The following TDO2 variants were observed in gnomAD, a reference collection of about 807,000 sequenced individuals.
The protein encoded by TDO2 is tryptamin 2,3-dioxygenase.
A neutral mutation model predicts 61.2 loss-of-function variants in TDO2; 63 were observed. That is an observed-to-expected ratio of 1.03 (90% CI 0.84 to 1.27). The LOEUF (loss-of-function observed/expected upper bound fraction) is 1.27. TDO2 is among the 50% of genes most tolerant of loss of function. TDO2 has a pLI of 0.00. For synonymous variants in TDO2, 183 were observed against 164.0 expected (o/e 1.12, Z -0.89); for missense variants, 494 against 469.5 (o/e 1.05, Z -0.48).
intron 4 of TDO2, among the ~76,000 whole-genome samples, chr4:155,908,266 G>T (rs1742756129): frequency 6.6e-6 from 1 of 152,160 alleles, no homozygotes; most frequent in African/African-American, 2.4e-5. Context: ...GAAAAGGACA[G>T]GAGGACAAAG....
At chr4:155,912,427 A>C (rs1268207378) in intron 7 of TDO2, among the ~76,000 whole-genome samples, 1 of 152,156 alleles carries the variant, frequency 6.6e-6, no homozygotes, top group Non-Finnish European at 1.5e-5. Flanking sequence ...CTTCATGTAC[A>C]TAAATCCAAT....
At position 155,919,940 on chromosome 4, in the gene TDO2, A is replaced by T. The variant is rs769172314; in HGVS notation, c.1171A>T (p.Thr391Ser). ...MNPTIHKFLY[T>S]AEYCDSSYFS... Reference sequence around the variant, plus strand: ...CCCAACCATTCACAAATTTCTATATACAGCAGAATACTGTGATAGCTCCTA... The same window carrying T: ...CCCAACCATTCACAAATTTCTATATTCAGCAGAATACTGTGATAGCTCCTA... Residue 391 changes from threonine to serine, a missense_variant, in exon 12 of 12, where the codon ACA (threonine) becomes TCA (serine). Coordinates refer to ENST00000536354, the MANE Select transcript of TDO2 (RefSeq NM_005651.4). 2 of 1,613,616 alleles carry T rather than the reference A, an allele frequency of 1.2e-6. No homozygotes were observed. The highest frequency in any genetic ancestry group is 1.7e-6 in the Non-Finnish European group (2 of 1,179,774).
chr4:155,906,222 C>T (rs991498086), intron 3 of TDO2: 5 of 151,892 alleles, frequency 3.3e-5, no homozygotes, highest in African/African-American at 9.7e-5. Context: ...GCATTTAGCC[C>T]GAGGTATAGC....
intron 8 of TDO2, among the ~76,000 whole-genome samples, chr4:155,915,074 G>A (rs1436410656): frequency 6.6e-6 from 1 of 152,112 alleles, no homozygotes; most frequent in African/African-American, 2.4e-5. Context: ...ACCAGGAAAA[G>A]CATACATTTA....
chr4:155,907,826 A>G (rs1742745790), intron 4 of TDO2, 34 bp downstream of exon 4: 1 of 1,528,236 alleles, frequency 6.5e-7, no homozygotes, highest in African/African-American at 1.4e-5. Context: ...GGTTTCATGT[A>G]TATTTTTGGA....
intron 8 of TDO2, among the ~76,000 whole-genome samples, chr4:155,915,432 G>GT (rs1742913836): frequency 1.3e-5 from 2 of 152,034 alleles, no homozygotes; most frequent in South Asian, 4.1e-4. Context: ...TTACATAATT[G>GT]TGCTCATTAA....
intron 3 of TDO2, 23 bp from the exon 4 acceptor site, chr4:155,907,699 T>C: frequency 6.3e-7 from 1 of 1,585,946 alleles, no homozygotes; most frequent in Non-Finnish European, 8.6e-7. Context: ...ACTTTCCAAC[T>C]GACAATGATT....
chr4:155,912,686 G>C (rs1027306159), intron 7 of TDO2, among the ~76,000 whole-genome samples: 98 of 152,034 alleles, frequency 6.4e-4, no homozygotes, highest in African/African-American at 2.1e-3. Flanking sequence ...TCTTTCATTA[G>C]ATGGTGTCAT....
At chr4:155,907,886 G>T in intron 4 of TDO2, 94 bp downstream of exon 4, 1 of 892,818 alleles carries the variant, frequency 1.1e-6, no homozygotes, top group Non-Finnish European at 1.8e-6. Context: ...ACCAAATGGT[G>T]GTCTTAACTT....
At chr4:155,908,332 C>T (rs1742757257) in intron 4 of TDO2, among the ~76,000 whole-genome samples, 2 of 152,140 alleles carry the variant, frequency 1.3e-5, no homozygotes, top group Admixed American at 6.5e-5. Context: ...AGGTGCACTT[C>T]TCCATCTCCC....
Position 155,904,039 on chromosome 4 carries a change from C to T in TDO2, c.57C>T (p.Pro19=), listed in dbSNP as rs924943202. The part of the protein sequence containing the change: ...NNFGYTFKKL[P]VEGSEEDKSQ... ...GCAGATATACTTTTAAAAAACTCCC[C>T]GTAGAAGGCAGCGAAGAAGACAAAT... Residue 19 remains proline, a synonymous_variant, in exon 2 of 12, where the codon CCC becomes CCT. Transcript: ENST00000536354. The T allele has an allele frequency of 3.4e-5, 55 of 1,613,754 alleles. No homozygotes were observed. Among genetic ancestry groups the T allele is most frequent in the East Asian group, 4.5e-5 (2 of 44,866 alleles).
At chr4:155,911,289 A>G (rs1742825012) in intron 6 of TDO2, among the ~76,000 whole-genome samples, 1 of 152,052 alleles carries the variant, frequency 6.6e-6, no homozygotes, top group South Asian at 2.1e-4. Context: ...ATTATTAACC[A>G]TTGCCATAAA....
chr4:155,917,099 T>A (rs1016335129), intron 9 of TDO2, among the ~76,000 whole-genome samples: 1 of 152,362 alleles, frequency 6.6e-6, no homozygotes, highest in Middle Eastern at 3.4e-3. Context: ...AAATCTGTAA[T>A]AGTGCACCTG....
intron 10 of TDO2, 78 bp downstream of exon 10, chr4:155,917,552 C>A: frequency 1.7e-6 from 2 of 1,158,588 alleles, no homozygotes; most frequent in Non-Finnish European, 2.5e-6. Context: ...TCTGTGTGCC[C>A]TCCTGCCCAC....
intron 9 of TDO2, among the ~76,000 whole-genome samples, chr4:155,916,439 A>C: frequency 7.2e-4 from 1 of 1,396 alleles, no homozygotes; most frequent in Admixed American, 0.02. Flanking sequence ...AAGTGCTGGG[A>C]TTACAAGCGT....
In TDO2 at chr4:155,903,764, T is replaced by C. The variant is rs1169006217; in HGVS notation, c.6T>C (p.Ser2=). The C allele has an allele frequency of 4.3e-6, 7 of 1,614,058 alleles. No homozygotes were observed. The highest frequency in any genetic ancestry group is 5.9e-6 in the Non-Finnish European group (7 of 1,180,026). ...TCAGACAGTGCCTTTTCACCATGAG[T>C]GGGTGCCCATTTTTAGGAAACAACT... is the stretch of plus-strand genomic sequence containing the variant. M[S]GCPFLGNNFG... is the part of the protein sequence containing the mutation. Residue 2 remains serine (S), a synonymous_variant, in exon 1 of 12, where the codon AGT becomes AGC. Transcript: ENST00000536354.
At chr4:155,906,257 T>G (rs900350179) in intron 3 of TDO2, 4 of 152,130 alleles carry the variant, frequency 2.6e-5, no homozygotes, top group African/African-American at 9.7e-5. Context: ...CAACAAATGG[T>G]AGCTATCATT....
intron 8 of TDO2, 106 bp downstream of exon 8, chr4:155,914,540 A>G: frequency 2.6e-6 from 2 of 768,950 alleles, no homozygotes. Flanking sequence ...ATAGAATGAA[A>G]ATTGATATTC....
At chr4:155,906,509 T>G (rs945997539) in intron 3 of TDO2, 1 of 152,142 alleles carries the variant, frequency 6.6e-6, no homozygotes, top group African/African-American at 2.4e-5. Flanking sequence ...GCACTGAAGA[T>G]CTCTAAGATT....
Sources: allele counts gnomAD v4.1 joint callset (sites outside exome capture counted in the v4.1 genomes callset), GRCh38; gene constraint gnomAD v4.1.1; transcripts MANE v1.5; gene names NCBI Gene and HGNC (gene_info 2026-07-23, HGNC 2026-07-21).